SLC35G2: variants seen among roughly 807,000 people sequenced by gnomAD.
The protein encoded by SLC35G2 is transmembrane protein 22.
In SLC35G2, 20 loss-of-function variants were observed where a neutral mutation model predicts 27.2. That is an observed-to-expected ratio of 0.74 (90% CI 0.52 to 1.07). The LOEUF is 1.07. SLC35G2 is among the 50% of genes least tolerant of loss of function. The pLI, the probability that SLC35G2 is intolerant of heterozygous loss-of-function variation, is 0.00. For synonymous variants in SLC35G2, 148 were observed against 165.3 expected (o/e 0.90, Z 0.80); for missense variants, 416 against 493.3 (o/e 0.84, Z 1.48).
At position 136,854,979 on chromosome 3, in the gene SLC35G2, A is replaced by G; in HGVS notation, c.519A>G (p.Val173=). The change falls in exon 2 of 2, where the codon GTA becomes GTG. Residue 173 remains valine (V), a synonymous_variant. Coordinates refer to ENST00000446465, the MANE Select transcript of SLC35G2 (RefSeq NM_025246.3). ...GYRLRLFFYG[V]CNVISITCAY... ...GATTACGACTCTTCTTTTATGGTGT[A>G]TGCAATGTCATTTCTATCACTTGTG... The G allele has an allele frequency of 6.2e-7, 1 of 1,614,178 alleles. No individual in the cohort carries two copies. The highest frequency in any genetic ancestry group is 8.5e-7 in the Non-Finnish European group (1 of 1,180,030).
intron 1 of SLC35G2, chr3:136,819,955 TG>T (rs1936404610): frequency 6.6e-6 from 1 of 152,260 alleles, no homozygotes; most frequent in Non-Finnish European, 1.5e-5. Context: ...CACAGTGCTC[TG>T]GGCGCTGTAG....
chr3:136,845,651 A>G (rs543201873), intron 1 of SLC35G2, among the ~76,000 whole-genome samples: 216 of 151,262 alleles, frequency 1.4e-3, no homozygotes, highest in African/African-American at 5.0e-3. Flanking sequence ...GGCTGGAGTC[A>G]GTGGCGCGAT....
chr3:136,828,023 C>T (rs926352780), intron 1 of SLC35G2, among the ~76,000 whole-genome samples: 6 of 152,028 alleles, frequency 3.9e-5, no homozygotes, highest in Admixed American at 6.6e-5. Flanking sequence ...GATGGGGTTT[C>T]GCCATGTTTG....
intron 1 of SLC35G2, among the ~76,000 whole-genome samples, chr3:136,839,638 C>G (rs1188619785): frequency 6.6e-6 from 1 of 152,068 alleles, no homozygotes; most frequent in Non-Finnish European, 1.5e-5. Flanking sequence ...AGACTGATAA[C>G]TCTCACCCCT....
chr3:136,820,849 C>T (rs1936439263), intron 1 of SLC35G2, among the ~76,000 whole-genome samples: 1 of 152,162 alleles, frequency 6.6e-6, no homozygotes, highest in Admixed American at 6.6e-5. Context: ...AGTATTTATA[C>T]TCATTTACAT....
chr3:136,823,346 C>A (rs1469498407), intron 1 of SLC35G2, among the ~76,000 whole-genome samples: 1 of 152,126 alleles, frequency 6.6e-6, no homozygotes, highest in Non-Finnish European at 1.5e-5. Context: ...AATATTTTCT[C>A]CCATTCTGTG....
intron 1 of SLC35G2, among the ~76,000 whole-genome samples, chr3:136,848,949 G>A (rs1486831516): frequency 4.6e-5 from 7 of 152,188 alleles, no homozygotes; most frequent in Admixed American, 4.6e-4. Flanking sequence ...GGAGGCTGAG[G>A]CAGGCGGATC....
intron 1 of SLC35G2, among the ~76,000 whole-genome samples, chr3:136,823,662 C>T (rs901413389): frequency 1.3e-5 from 2 of 151,986 alleles, no homozygotes; most frequent in Non-Finnish European, 2.9e-5. Flanking sequence ...GTGGCTTGAT[C>T]TCTGCTCACT....
Position 136,854,899 on chromosome 3 carries a change from T to C in SLC35G2, c.439T>C (p.Ser147Pro), listed in dbSNP as rs772828718. 3.7e-6 allele frequency: 6 copies of C among 1,614,224 alleles called. No homozygotes were observed. Among genetic ancestry groups the C allele is most frequent in the East Asian group, 2.2e-5 (1 of 44,884 alleles). The change falls in exon 2 of 2, where the codon TCT becomes CCT. Residue 147 changes from serine (S) to proline (P), a missense_variant. Coordinates refer to ENST00000446465, the MANE Select transcript of SLC35G2 (RefSeq NM_025246.3). ...TATCCGTTCTGTTTTTCAGGTCTTA[T>C]CTGTGTTAGTTGTGTGTTACTATCA... ...IFIRSVFQVL[S>P]VLVVCYYQEA...
chr3:136,830,639 G>A (rs1030759254), intron 1 of SLC35G2, among the ~76,000 whole-genome samples: 4 of 150,906 alleles, frequency 2.7e-5, no homozygotes, highest in Admixed American at 6.6e-5. Context: ...GGATGGTCTC[G>A]ATCTGACCTG....
intron 1 of SLC35G2, among the ~76,000 whole-genome samples, chr3:136,843,523 A>G (rs1277028633): frequency 6.6e-6 from 1 of 151,608 alleles, no homozygotes; most frequent in Non-Finnish European, 1.5e-5. Flanking sequence ...GCACACACCT[A>G]TAATCCCAGC....
intron 1 of SLC35G2, among the ~76,000 whole-genome samples, chr3:136,848,177 C>G (rs1195112859): frequency 2.6e-5 from 4 of 152,144 alleles, no homozygotes; most frequent in Admixed American, 1.3e-4. Context: ...GTCAGGCCTA[C>G]CCAGGATAAA....
chr3:136,850,967 G>A (rs1937606391), intron 1 of SLC35G2, among the ~76,000 whole-genome samples: 1 of 152,126 alleles, frequency 6.6e-6, no homozygotes, highest in African/African-American at 2.4e-5. Flanking sequence ...CCTGCGCAAC[G>A]GAGTGAGACC....
chr3:136,832,020 A>AT (rs34066008), intron 1 of SLC35G2, among the ~76,000 whole-genome samples: 101,844 of 148,848 alleles, frequency 0.68, 34,841 homozygotes, highest in East Asian at 0.86. Context: ...ATCATTCTTC[A>AT]TTTTTTTTTT....
intron 1 of SLC35G2, among the ~76,000 whole-genome samples, chr3:136,849,831 G>C (rs141694125): frequency 9.2e-5 from 14 of 151,838 alleles, no homozygotes; most frequent in Non-Finnish European, 1.9e-4. Context: ...TAGGCTGGGC[G>C]TGGTGGCTCA....
At position 136,830,136 on chromosome 3, in the gene SLC35G2, G is replaced by T. The variant is rs551933110; in HGVS notation, c.-19+10508G>T. Among the ~76,000 whole-genome samples the T allele has an allele frequency of 2.3e-3, 278 of 119,430 alleles. 1 individual carries two copies. The highest frequency in any genetic ancestry group is 8.3e-3 in the African/African-American group (255 of 30,756). The allele number at this position is 119,430 out of a possible 152,430, so 78.4% of individuals were successfully genotyped here. A position where few individuals can be genotyped will look rare whatever the true frequency, so the allele number is the denominator to read the frequency against. The stretch of plus-strand genomic sequence containing the variant: ...TTTTTTTTTTTTTTTTTGAGACGGA[G>T]TCTCCCTCTGTCACCAGGCTGGGGT... On this transcript the variant is annotated intron_variant, in intron 1 of 1. Coordinates refer to ENST00000446465, the MANE Select transcript of SLC35G2 (RefSeq NM_025246.3).
intron 1 of SLC35G2, among the ~76,000 whole-genome samples, chr3:136,845,711 T>A (rs1468383333): frequency 6.6e-6 from 1 of 151,872 alleles, no homozygotes; most frequent in African/African-American, 2.4e-5. Flanking sequence ...TTCTCCTGCC[T>A]CAGCCTTCCA....
At chr3:136,822,597 G>A (rs1936483353) in intron 1 of SLC35G2, among the ~76,000 whole-genome samples, 1 of 152,192 alleles carries the variant, frequency 6.6e-6, no homozygotes, top group African/African-American at 2.4e-5. Context: ...TTACAGGCGT[G>A]AGCCACTGCG....
At chr3:136,826,715 C>A (rs1936595004) in intron 1 of SLC35G2, among the ~76,000 whole-genome samples, 1 of 152,006 alleles carries the variant, frequency 6.6e-6, no homozygotes, top group African/African-American at 2.4e-5. Flanking sequence ...TGATGCACTG[C>A]AACCTCTGTC....
Sources: gnomAD v4.1 joint callset for allele counts (sites outside exome capture counted in the v4.1 genomes callset) on GRCh38, gnomAD v4.1.1 for gene constraint, MANE v1.5 for transcripts, NCBI Gene and HGNC (gene_info 2026-07-23, HGNC 2026-07-21) for gene names.